The following COL9A2 variants were observed in gnomAD, a reference collection of about 807,000 sequenced individuals.
The protein encoded by COL9A2 is collagen alpha-2(IX) chain.
Under a neutral mutation model 111.6 loss-of-function variants are expected in COL9A2, and 66 were observed. That is an observed-to-expected ratio of 0.59 (90% CI 0.48 to 0.73). COL9A2 has a LOEUF of 0.73. Among genes scored for constraint, COL9A2 ranks in the 30% least tolerant of loss-of-function variants. COL9A2 has a pLI of 0.00. For missense variants in COL9A2, 881 were observed against 954.1 expected (o/e 0.92, Z 1.01); for synonymous variants, 353 against 364.1 (o/e 0.97, Z 0.35).
intron 24 of COL9A2, 80 bp from the exon 25 acceptor site, chr1:40,304,179 C>G (rs1167466858): frequency 6.6e-7 from 1 of 1,515,774 alleles, no homozygotes; most frequent in African/African-American, 1.4e-5. Flanking sequence ...CCACACCCCT[C>G]TTTCCAACTC....
chr1:40,315,204 T>C, intron 2 of COL9A2: 25 of 1,042,848 alleles, frequency 2.4e-5, no homozygotes, highest in Non-Finnish European at 2.8e-5. Context: ...TGGCCCAAGC[T>C]GGTCGGTGGT....
rs993826270 is a variant in COL9A2 at position 40,314,193 on chromosome 1, T to A, written c.249+12A>T. 4 of 1,614,014 alleles carry A rather than the reference T, an allele frequency of 2.5e-6. No individual in the cohort carries two copies. The highest frequency in any genetic ancestry group is 3.4e-6 in the Non-Finnish European group (4 of 1,179,924). Reference sequence around the variant, plus strand: ...AGCCCTACCCTGCCCCACCCGACACTCAGCTACTCACATCAATCCCGGGCT... The same window carrying A: ...AGCCCTACCCTGCCCCACCCGACACACAGCTACTCACATCAATCCCGGGCT... On this transcript the variant is annotated intron_variant, in intron 4 of 31. Transcript: ENST00000372748. The surrounding 1 kb of genome is among the most constrained non-coding windows in gnomAD (Gnocchi z 4.1).
At position 40,306,844 on chromosome 1, in the gene COL9A2, ATTT is replaced by A. The variant is rs751057593; in HGVS notation, c.1008+599_1008+601del. On this transcript the variant is annotated intron_variant, in intron 19 of 31. Transcript: ENST00000372748. The stretch of plus-strand genomic sequence containing the variant: ...AGTATACCTCAGATACTCAATAACT[ATTT>A]TTTTTTTTTTTTTTTGAGATGGAGT... 3.0e-3 allele frequency among the ~76,000 whole-genome samples: 408 copies of A among 134,304 alleles called. 2 individuals carry two copies. The highest frequency in any genetic ancestry group is 0.01 in the African/African-American group (375 of 35,906). The allele number at this position is 134,304 out of a possible 152,430, so 88.1% of individuals were successfully genotyped here.
In COL9A2 at chr1:40,302,279, C is replaced by T. The variant is rs1243778894; in HGVS notation, c.1792+342G>A. On this transcript the variant is annotated intron_variant, in intron 30 of 31. Transcript: ENST00000372748. This position sits in a 1 kb window ranked among gnomAD's most constrained non-coding sequence, Gnocchi z 4.5. ...TAGCAGGTAACTCGTCTGAGAGCCA[C>T]GATGAGAAAGGGGAGTCTGGATTCA... Among the ~76,000 whole-genome samples, 1 of 152,114 alleles carries T rather than the reference C, an allele frequency of 6.6e-6. No homozygotes were observed. The highest frequency in any genetic ancestry group is 1.5e-5 in the Non-Finnish European group (1 of 68,026).
At position 40,314,888 on chromosome 1, in the gene COL9A2, G is replaced by A. The variant is rs1424515804; in HGVS notation, c.151-501C>T. 6.6e-6 allele frequency among the ~76,000 whole-genome samples: 1 copy of A among 152,174 alleles called. No homozygotes were observed. The highest frequency in any genetic ancestry group is 2.4e-5 in the African/African-American group (1 of 41,462). On this transcript the variant is annotated intron_variant, in intron 2 of 31. Transcript: ENST00000372748. This position sits in a 1 kb window ranked among gnomAD's most constrained non-coding sequence, Gnocchi z 4.1. ...AATTCAGTGTTCCCAAGGAGGGAAGGACCTCCTTCCAGTGCCAAAGGACCC... is the reference window on the plus strand; with the variant it reads ...AATTCAGTGTTCCCAAGGAGGGAAGAACCTCCTTCCAGTGCCAAAGGACCC...
Position 40,303,548 on chromosome 1 carries a change from G to GGGCTGT in COL9A2, c.1524_1529dup (p.Gln509_Pro510dup). ...GACTCACCTCCACGCCCTGTCTCCC[G>GGGCTGT]GGCTGTCCTGGCACGCCTCGGTTCC... On this transcript the variant is annotated inframe_insertion, in exon 28 of 32. Transcript: ENST00000372748. The surrounding 1 kb of genome is among the most constrained non-coding windows in gnomAD (Gnocchi z 4.6). 6.2e-7 allele frequency: 1 copy of GGGCTGT among 1,612,344 alleles called. No individual in the cohort carries two copies. Among genetic ancestry groups the GGGCTGT allele is most frequent in the South Asian group, 1.1e-5 (1 of 90,946 alleles).
At chr1:40,308,541 C>G (rs529473121) in intron 16 of COL9A2, among the ~76,000 whole-genome samples, 4 of 152,200 alleles carry the variant, frequency 2.6e-5, no homozygotes, top group Non-Finnish European at 5.9e-5. Context: ...GCCAAAGGAA[C>G]ACAACAACCG....
chr1:40,306,405 C>T (rs2124066317), intron 19 of COL9A2, among the ~76,000 whole-genome samples: 1 of 152,246 alleles, frequency 6.6e-6, no homozygotes, highest in South Asian at 2.1e-4. Flanking sequence ...CTGGGGTCTA[C>T]GTGGAAGAGA....
At position 40,311,945 on chromosome 1, in the gene COL9A2, G is replaced by T; in HGVS notation, c.417+114C>A. 1 of 1,217,426 alleles carries T rather than the reference G, an allele frequency of 8.2e-7. No individual in the cohort carries two copies. The highest frequency in any genetic ancestry group is 1.2e-6 in the Non-Finnish European group (1 of 842,518). 75.4% of individuals were successfully genotyped at this position (1,217,426 alleles called of 1,614,324 possible). A position where few individuals can be genotyped will look rare whatever the true frequency, so the allele number is the denominator to read the frequency against. ...AGGAGGGGTTTCTGCCCCAGACCTGGAGGAGTTTCCCAGTGGCCAGGAGCA... is the reference window on the plus strand; with the variant it reads ...AGGAGGGGTTTCTGCCCCAGACCTGTAGGAGTTTCCCAGTGGCCAGGAGCA... On this transcript the variant is annotated intron_variant, in intron 8 of 31. Transcript: ENST00000372748. The surrounding 1 kb of genome is among the most constrained non-coding windows in gnomAD (Gnocchi z 5.1).
In COL9A2 at chr1:40,301,128, G is replaced by A; in HGVS notation, c.*54C>T. The A allele has an allele frequency of 6.3e-7, 1 of 1,594,290 alleles. No homozygotes were observed. Among genetic ancestry groups the A allele is most frequent in the East Asian group, 2.2e-5 (1 of 44,680 alleles). ...GGGATGGGTGCATGTCCACCCAGAG[G>A]GGACCTGGTCCTTCCCGCCAGGATG... On this transcript the variant is annotated 3_prime_UTR_variant, in exon 32 of 32. Transcript: ENST00000372748.
intron 21 of COL9A2, 33 bp from the exon 22 acceptor site, chr1:40,304,880 G>T: frequency 6.5e-7 from 1 of 1,542,828 alleles, no homozygotes. Flanking sequence ...CTAAGCGTTT[G>T]ACCTGGTGGA....
chr1:40,303,769 C>A lies in COL9A2; in HGVS notation c.1401+38G>T. ...GGGGGTCGAGGAAGGGAGTGGCCGC[C>A]CAGGAAAGTCGGAGAACGCCGGGAG... On this transcript the variant is annotated intron_variant, in intron 27 of 31. Transcript: ENST00000372748. This position sits in a 1 kb window ranked among gnomAD's most constrained non-coding sequence, Gnocchi z 4.6. 1 of 1,504,508 alleles carries A rather than the reference C, an allele frequency of 6.6e-7. No homozygotes were observed. Among genetic ancestry groups the A allele is most frequent in the African/African-American group, 1.8e-5 (1 of 56,140 alleles). 93.2% of individuals were successfully genotyped at this position (1,504,508 alleles called of 1,614,324 possible).
At chr1:40,301,952 G>A in intron 30 of COL9A2, 63 bp from the exon 31 acceptor site, 1 of 1,499,170 alleles carries the variant, frequency 6.7e-7, no homozygotes, top group Non-Finnish European at 9.2e-7. Flanking sequence ...TCTATTTTTT[G>A]CTATGTTTCA....
chr1:40,317,184 G>A lies in COL9A2; in HGVS notation c.14C>T (p.Thr5Met), dbSNP rs1644233098. Residue 5 changes from threonine to methionine, a missense_variant, in exon 1 of 32, where the codon ACG becomes ATG. Coordinates refer to ENST00000372748, the MANE Select transcript of COL9A2 (RefSeq NM_001852.4). The surrounding 1 kb of genome is among the most constrained non-coding windows in gnomAD (Gnocchi z 4.3). MAAA[T>M]ASPRSLLVLL... ...AACAAGGAGGCTGCGGGGGGAGGCC[G>A]TAGCGGCGGCCATGGCTGGCGGCGA... 3.2e-6 allele frequency: 5 copies of A among 1,583,336 alleles called. No individual in the cohort carries two copies. The highest frequency in any genetic ancestry group is 4.7e-5 in the East Asian group (2 of 42,818).
chr1:40,309,089 A>C (rs769471956), intron 16 of COL9A2, among the ~76,000 whole-genome samples: 5 of 152,148 alleles, frequency 3.3e-5, no homozygotes, highest in Non-Finnish European at 4.4e-5. Flanking sequence ...TAAAAATACA[A>C]AATTAGCTGA....
chr1:40,311,631 T>A lies in COL9A2; in HGVS notation c.471+31A>T. Reference sequence around the variant, plus strand: ...AAAGACCCTTCTCCTTCCCCTGCACTTTGCCATGTCGGGGGTCTGGGGACA... The same window carrying A: ...AAAGACCCTTCTCCTTCCCCTGCACATTGCCATGTCGGGGGTCTGGGGACA... On this transcript the variant is annotated intron_variant, in intron 9 of 31. Coordinates refer to ENST00000372748, the MANE Select transcript of COL9A2 (RefSeq NM_001852.4). This position sits in a 1 kb window ranked among gnomAD's most constrained non-coding sequence, Gnocchi z 5.1. 6.2e-7 allele frequency: 1 copy of A among 1,613,774 alleles called. No individual in the cohort carries two copies. The highest frequency in any genetic ancestry group is 8.5e-7 in the Non-Finnish European group (1 of 1,179,748).
At position 40,317,012 on chromosome 1, in the gene COL9A2, G is replaced by A. The variant is rs1644229901; in HGVS notation, c.75+111C>T. The A allele has an allele frequency of 9.2e-7, 1 of 1,086,322 alleles. No homozygotes were observed. The highest frequency in any genetic ancestry group is 1.4e-6 in the Non-Finnish European group (1 of 723,942). 67.3% of individuals were successfully genotyped at this position (1,086,322 alleles called of 1,614,324 possible). A position where few individuals can be genotyped will look rare whatever the true frequency, so the allele number is the denominator to read the frequency against. Reference sequence around the variant, plus strand: ...CTGCCCGCGGCGCTGTCCTCAGGTGGCCTCTCGGGCTAGGGGTGTCAGTAG... The same window carrying A: ...CTGCCCGCGGCGCTGTCCTCAGGTGACCTCTCGGGCTAGGGGTGTCAGTAG... On this transcript the variant is annotated intron_variant, in intron 1 of 31. Transcript: ENST00000372748. The surrounding 1 kb of genome is among the most constrained non-coding windows in gnomAD (Gnocchi z 4.3).
In COL9A2 at chr1:40,303,267, G is replaced by T; in HGVS notation, c.1549-82C>A. 1.6e-5 allele frequency: 22 copies of T among 1,388,228 alleles called. No individual in the cohort carries two copies. Among genetic ancestry groups the T allele is most frequent in the Non-Finnish European group, 2.2e-5 (22 of 995,796 alleles). 86.0% of individuals were successfully genotyped at this position (1,388,228 alleles called of 1,614,324 possible). ...ATCCCACCTGGCTGAGCGTGAGGCC[G>T]CCATGGAGGAGACTCTGGTGTTGAG... is the stretch of plus-strand genomic sequence containing the variant. On this transcript the variant is annotated intron_variant, in intron 28 of 31. Transcript: ENST00000372748. This position sits in a 1 kb window ranked among gnomAD's most constrained non-coding sequence, Gnocchi z 4.6.
In COL9A2 at chr1:40,312,661, T is replaced by G; in HGVS notation, c.304-52A>C. The G allele has an allele frequency of 3.7e-6, 6 of 1,603,808 alleles. No individual in the cohort carries two copies. Among genetic ancestry groups the G allele is most frequent in the Non-Finnish European group, 5.1e-6 (6 of 1,174,892 alleles). ...AGGCTGGGGTTTCCCCGGCTCCTAC[T>G]TCCTCTCTACAGCCACTCCCAAACG... is the stretch of plus-strand genomic sequence containing the variant. On this transcript the variant is annotated intron_variant, in intron 5 of 31. Coordinates refer to ENST00000372748, the MANE Select transcript of COL9A2 (RefSeq NM_001852.4). This position sits in a 1 kb window ranked among gnomAD's most constrained non-coding sequence, Gnocchi z 6.0.
Sources: allele counts gnomAD v4.1 joint callset (sites outside exome capture counted in the v4.1 genomes callset), GRCh38; gene constraint gnomAD v4.1.1; non-coding constraint Gnocchi (gnomAD v3.1); transcripts MANE v1.5; gene names NCBI Gene and HGNC (gene_info 2026-07-23, HGNC 2026-07-21).